Variants in DNAH17 observed in about 807,000 individuals in gnomAD.
DNAH17 encodes dynein axonemal heavy chain 17, also known as axonemal beta dynein heavy chain 17.
A neutral mutation model predicts 485.6 loss-of-function variants in DNAH17; 376 were observed. The ratio of observed to expected loss-of-function variants is 0.77; its 90% CI spans 0.71 to 0.84. DNAH17 has a LOEUF of 0.84. Among genes scored for constraint, DNAH17 ranks in the 40% least tolerant of loss-of-function variants. DNAH17 has a pLI of 0.00. For missense variants in DNAH17, 6,370 were observed against 5,839.3 expected (o/e 1.09, Z -2.96); for synonymous variants, 3,031 against 2,405.9 (o/e 1.26, Z -7.60).
rs768930003 is a variant in DNAH17, at chr17:78,476,605, T to G, written c.8121A>C (p.Arg2707Ser). Residue 2707 changes from arginine (R) to serine (S), a missense_variant, in exon 52 of 81, where the codon AGA becomes AGC. Arg to Ser is a moderately radical substitution (Grantham distance 110). Coordinates refer to ENST00000389840, the MANE Select transcript of DNAH17 (RefSeq NM_173628.4). ...ACTTCTTGGTGGAGGCCATGGTGAC[T>G]CTATGCAATGTTTCCTGGTCTTTTT... ...VDEKDQETLH[R>S]VTMASTKKFF... 3 of 1,611,258 alleles carry G rather than the reference T, an allele frequency of 1.9e-6. No individual in the cohort carries two copies. The African/African-American group carries it at 4.0e-5, about 22-fold the overall frequency.
chr17:78,462,899 G>A lies in DNAH17; in HGVS notation c.9119C>T (p.Ala3040Val), dbSNP rs2088210802. The A allele has an allele frequency of 6.2e-7, 1 of 1,613,952 alleles. No individual in the cohort carries two copies. Among genetic ancestry groups the A allele is most frequent in the Non-Finnish European group, 8.5e-7 (1 of 1,179,882 alleles). Residue 3040 changes from alanine to valine, a missense_variant, in exon 57 of 81, where the codon GCC becomes GTC. By Grantham distance (64) the Ala-to-Val change is moderately conservative. Coordinates refer to ENST00000389840, the MANE Select transcript of DNAH17 (RefSeq NM_173628.4). ...GCCGTTCTCCAGCCTCTCGATTTTG[G>A]CAACAAGTTCCGTTCTCTTCTTGGC... ...LLAKKRTELV[A>V]KIERLENGLM... is the part of the protein sequence containing the mutation.
chr17:78,503,013 T>C lies in DNAH17; in HGVS notation c.4957-2A>G, dbSNP rs2090354420. On this transcript the variant is annotated splice_acceptor_variant, in intron 31 of 80. Transcript: ENST00000389840. LOFTEE classifies it high-confidence loss of function. Reference sequence around the variant, plus strand: ...CACTCGATTCAGCCACACTTCCACCTGGGGACGGGAGCCACGGTGACCAAT... The same window carrying C: ...CACTCGATTCAGCCACACTTCCACCCGGGGACGGGAGCCACGGTGACCAAT... 6.2e-7 allele frequency: 1 copy of C among 1,612,826 alleles called. No individual in the cohort carries two copies. Among genetic ancestry groups the C allele is most frequent in the Non-Finnish European group, 8.5e-7 (1 of 1,179,480 alleles).
At chr17:78,500,758 C>A in intron 35 of DNAH17, 1 of 229,056 alleles carries the variant, frequency 4.4e-6, no homozygotes, top group Non-Finnish European at 8.5e-6. Context: ...ATCCACCCAC[C>A]TCGGCCTCCC....
At chr17:78,436,769 C>T (rs191093563) in intron 74 of DNAH17, among the ~76,000 whole-genome samples, 181 of 152,128 alleles carry the variant, frequency 1.2e-3, no homozygotes, top group African/African-American at 3.7e-3. Context: ...TGCTTGAACT[C>T]GGGAGGCAGA....
chr17:78,496,311 A>G (rs934718714), intron 37 of DNAH17, among the ~76,000 whole-genome samples: 1 of 152,068 alleles, frequency 6.6e-6, no homozygotes, highest in Non-Finnish European at 1.5e-5. Context: ...CAGCCTAGGC[A>G]ACATAGCAAG....
rs1286452285 is a variant in DNAH17, at chr17:78,475,424, T to C, written c.8365A>G (p.Ile2789Val). Residue 2789 changes from isoleucine to valine, a missense_variant, in exon 54 of 81, where the codon ATC (isoleucine) becomes GTC (valine). Ile to Val is a conservative substitution (Grantham distance 29, BLOSUM62 3). Transcript: ENST00000389840. ...GCATTCCCCCGGGGAGACTCCAGGATGCGATTAATCCTGCAGATGTGAGCC... is the reference window on the plus strand; with the variant it reads ...GCATTCCCCCGGGGAGACTCCAGGACGCGATTAATCCTGCAGATGTGAGCC... ...AVAHICRINR[I>V]LESPRGNALL... 5.0e-6 allele frequency: 8 copies of C among 1,613,754 alleles called. No homozygotes were observed. In the African/African-American group the frequency reaches 6.7e-5, roughly 13 times the overall value.
chr17:78,476,776 A>G (rs775051447), intron 51 of DNAH17, 43 bp from the exon 52 acceptor site: 34 of 1,588,666 alleles, frequency 2.1e-5, no homozygotes, highest in Non-Finnish European at 2.7e-5. Flanking sequence ...GCTGTTACGA[A>G]GGCGAGCCCA....
chr17:78,519,192 A>AAAAAAAAT (rs1568188789), intron 25 of DNAH17, among the ~76,000 whole-genome samples: 79 of 147,234 alleles, frequency 5.4e-4, no homozygotes, highest in African/African-American at 1.9e-3. Flanking sequence ...AAAAAAAAAA[A>AAAAAAAAT]AGAAATGTAA....
At chr17:78,451,327 C>T (rs949498761) in intron 66 of DNAH17, 142 bp downstream of exon 66, 43 of 684,662 alleles carry the variant, frequency 6.3e-5, no homozygotes, top group African/African-American at 4.6e-4. Flanking sequence ...GCTGTGATGC[C>T]GTGGGACACA....
chr17:78,498,705 G>A lies in DNAH17; in HGVS notation c.5745+303C>T, dbSNP rs141965953. The A allele has an allele frequency of 2.4e-4, 50 of 209,598 alleles. 1 individual carries two copies. Among genetic ancestry groups the A allele is most frequent in the Non-Finnish European group, 3.3e-4 (35 of 105,532 alleles). 13.0% of individuals were successfully genotyped at this position (209,598 alleles called of 1,614,324 possible). A position where few individuals can be genotyped will look rare whatever the true frequency, so the allele number is the denominator to read the frequency against. On this transcript the variant is annotated intron_variant, in intron 37 of 80. Coordinates refer to ENST00000389840, the MANE Select transcript of DNAH17 (RefSeq NM_173628.4). ...TTCAGCACCTCCTATGCCCAGCTCC[G>A]CTGATACCAATAACAAAGCACTTTG...
chr17:78,490,562 G>A (rs2089804021), intron 44 of DNAH17, 137 bp downstream of exon 44: 1 of 1,275,212 alleles, frequency 7.8e-7, no homozygotes, highest in Non-Finnish European at 1.1e-6. Context: ...CTTCACTGCT[G>A]TGACACTGGT....
At chr17:78,488,179 G>A (rs1168513908) in intron 44 of DNAH17, among the ~76,000 whole-genome samples, 1 of 152,194 alleles carries the variant, frequency 6.6e-6, no homozygotes, top group Middle Eastern at 3.2e-3. Context: ...TCTCTGATAT[G>A]CGTAGCACAG....
chr17:78,507,941 GC>G, intron 27 of DNAH17, 136 bp from the exon 28 acceptor site: 1 of 776,506 alleles, frequency 1.3e-6, no homozygotes, highest in Non-Finnish European at 2.0e-6. Flanking sequence ...ATTCACAGGA[GC>G]CAAAGGCAGA....
intron 62 of DNAH17, among the ~76,000 whole-genome samples, chr17:78,457,855 T>TTTAC (rs1187485525): frequency 6.6e-6 from 1 of 152,056 alleles, no homozygotes; most frequent in Admixed American, 6.6e-5. Context: ...GAGACAGGGT[T>TTTAC]TTACCATGTT....
rs749450731 is a variant in DNAH17 at position 78,437,625 on chromosome 17, G to A, written c.12033+16C>T. The A allele has an allele frequency of 5.7e-6, 9 of 1,586,434 alleles. No homozygotes were observed. Among genetic ancestry groups the A allele is most frequent in the Non-Finnish European group, 7.7e-6 (9 of 1,164,274 alleles). ...GGCATGGGATGGGGAGGCAGCCCGAGCAGGCGTGGCCCTACCTGGGTGAAC... is the reference window on the plus strand; with the variant it reads ...GGCATGGGATGGGGAGGCAGCCCGAACAGGCGTGGCCCTACCTGGGTGAAC... On this transcript the variant is annotated intron_variant, in intron 74 of 80. Transcript: ENST00000389840.
chr17:78,562,184 C>A (rs2092171820), intron 11 of DNAH17, among the ~76,000 whole-genome samples: 1 of 152,184 alleles, frequency 6.6e-6, no homozygotes, highest in Admixed American at 6.5e-5. Context: ...TAGGCCGAGT[C>A]CCCAAATACT....
Position 78,466,829 on chromosome 17 carries a change from G to C in DNAH17, c.8779-13C>G, listed in dbSNP as rs1015002317. 6 of 1,562,946 alleles carry C rather than the reference G, an allele frequency of 3.8e-6. No homozygotes were observed. The South Asian group carries it at 7.1e-5, about 19-fold the overall frequency. ...AACACAGGATCACCTGGGTGTGGGA[G>C]ACACAGATGCGCTGCCTACTGGGAC... is the stretch of plus-strand genomic sequence containing the variant. On this transcript the variant is annotated splice_polypyrimidine_tract_variant and intron_variant, in intron 55 of 80. Transcript: ENST00000389840.
At chr17:78,430,954 C>T (rs1247406105) in intron 75 of DNAH17, among the ~76,000 whole-genome samples, 1 of 152,126 alleles carries the variant, frequency 6.6e-6, no homozygotes, top group African/African-American at 2.4e-5. Context: ...AAACATGGCT[C>T]ACTGCAGCCT....
chr17:78,459,507 C>T (rs904179819), intron 60 of DNAH17, among the ~76,000 whole-genome samples: 2 of 152,198 alleles, frequency 1.3e-5, no homozygotes, highest in South Asian at 2.1e-4. Flanking sequence ...GGACGGTATT[C>T]GTGTGTGCAA....
Sources: allele counts gnomAD v4.1 joint callset (sites outside exome capture counted in the v4.1 genomes callset), GRCh38; gene constraint gnomAD v4.1.1; transcripts MANE v1.5; gene names NCBI Gene and HGNC (gene_info 2026-07-23, HGNC 2026-07-21).